Variants in NHEJ1 observed in about 807,000 individuals in gnomAD.
The protein encoded by NHEJ1 is non-homologous end joining factor 1.
NHEJ1 carries 22 observed loss-of-function variants against 39.4 expected under a neutral mutation model. That is an observed-to-expected ratio of 0.56 (90% CI 0.40 to 0.80). The LOEUF (loss-of-function observed/expected upper bound fraction) is 0.80. Ranked by LOEUF, NHEJ1 falls within the 30% of genes least tolerant of loss-of-function variation. The pLI, the probability that NHEJ1 is intolerant of heterozygous loss-of-function variation, is 0.00. For missense variants in NHEJ1, 329 were observed against 357.1 expected (o/e 0.92, Z 0.63); for synonymous variants, 154 against 135.6 (o/e 1.14, Z -0.94).
chr2:219,112,428 C>T (rs1949373915), intron 5 of NHEJ1, among the ~76,000 whole-genome samples: 1 of 152,156 alleles, frequency 6.6e-6, no homozygotes, highest in South Asian at 2.1e-4. Flanking sequence ...ATAATTAATT[C>T]CATTCCAGCT....
intron 1 of NHEJ1, chr2:219,158,760 T>C (rs1949882289): frequency 4.0e-6 from 1 of 248,534 alleles, no homozygotes. Flanking sequence ...TTCCCAGAAC[T>C]AGAAGAGAAG....
At chr2:219,100,713 A>C (rs1949249182) in intron 5 of NHEJ1, among the ~76,000 whole-genome samples, 1 of 152,150 alleles carries the variant, frequency 6.6e-6, no homozygotes. Context: ...AGATTCCCAC[A>C]GGGACCAAGA....
chr2:219,138,688 T>C (rs1348626463), intron 5 of NHEJ1, among the ~76,000 whole-genome samples: 2 of 152,238 alleles, frequency 1.3e-5, no homozygotes, highest in Non-Finnish European at 2.9e-5. Flanking sequence ...GTAAATTTTA[T>C]GGCAATATGT....
chr2:219,091,035 A>G (rs529775881), intron 5 of NHEJ1, among the ~76,000 whole-genome samples: 34 of 152,338 alleles, frequency 2.2e-4, no homozygotes, highest in African/African-American at 7.5e-4. Context: ...TCTAGCAAAT[A>G]TAAGTATCTA....
chr2:219,094,798 C>T (rs988561773), intron 5 of NHEJ1, among the ~76,000 whole-genome samples: 3 of 152,158 alleles, frequency 2.0e-5, no homozygotes, highest in Non-Finnish European at 4.4e-5. Context: ...GCAGCCCTGA[C>T]ACCAGGCTGA....
At chr2:219,114,494 T>C (rs531739379) in intron 5 of NHEJ1, among the ~76,000 whole-genome samples, 3 of 152,260 alleles carry the variant, frequency 2.0e-5, no homozygotes, top group South Asian at 2.1e-4. Flanking sequence ...CACTCCAACA[T>C]TGAAGATGAC....
At chr2:219,146,817 A>C in intron 4 of NHEJ1, 79 bp from the exon 5 acceptor site, 1 of 1,077,552 alleles carries the variant, frequency 9.3e-7, no homozygotes, top group Non-Finnish European at 1.4e-6. Context: ...GGAACAGAAC[A>C]GGGCTACTTA....
intron 5 of NHEJ1, among the ~76,000 whole-genome samples, chr2:219,079,670 T>C (rs959940661): frequency 1.3e-5 from 2 of 152,164 alleles, no homozygotes; most frequent in Admixed American, 6.5e-5. Context: ...CAGCATTCCC[T>C]GAGGAATGAA....
At chr2:219,099,326 T>C (rs912245464) in intron 5 of NHEJ1, among the ~76,000 whole-genome samples, 3 of 152,112 alleles carry the variant, frequency 2.0e-5, no homozygotes, top group Non-Finnish European at 2.9e-5. Context: ...CAGATGCCAG[T>C]AGCACTTCTC....
At chr2:219,128,359 T>TAAG (rs995347377) in intron 5 of NHEJ1, among the ~76,000 whole-genome samples, 2 of 152,190 alleles carry the variant, frequency 1.3e-5, no homozygotes, top group African/African-American at 4.8e-5. Context: ...TTAGGCACAT[T>TAAG]AAGACCATAT....
In NHEJ1 at chr2:219,157,514, G is replaced by C. The variant is rs754822415; in HGVS notation, c.348C>G (p.Pro116=). The C allele has an allele frequency of 4.3e-6, 7 of 1,614,140 alleles. No homozygotes were observed. The highest frequency in any genetic ancestry group is 5.9e-6 in the Non-Finnish European group (7 of 1,180,042). The change falls in exon 3 of 8, where the codon CCC becomes CCG. Residue 116 remains proline, a synonymous_variant. Coordinates refer to ENST00000356853, the MANE Select transcript of NHEJ1 (RefSeq NM_024782.3). ...GCATGCAGTGGAAATTCCAATAGAA[G>C]GGGAGGCCAGAGAGCTCACTTCGCA... ...LRVRSELSGL[P]FYWNFHCMLA...
At chr2:219,159,340 G>A (rs1438794129) in intron 1 of NHEJ1, 2 of 151,420 alleles carry the variant, frequency 1.3e-5, no homozygotes, top group East Asian at 3.9e-4. Flanking sequence ...TCCTGTGGGG[G>A]AGAAAAAAAT....
rs552569904 is a variant in NHEJ1, at chr2:219,149,595, G to A, written c.391-1800C>T. Among the ~76,000 whole-genome samples, 13 of 152,252 alleles carry A rather than the reference G, an allele frequency of 8.5e-5. No homozygotes were observed. In the South Asian group the frequency reaches 2.5e-3, roughly 29 times the overall value. ...CATGCCATTACACTCCAGCCTGGGTGACAGAACAAGATCCTGTCTCAAAAT... is the reference window on the plus strand; with the variant it reads ...CATGCCATTACACTCCAGCCTGGGTAACAGAACAAGATCCTGTCTCAAAAT... On this transcript the variant is annotated intron_variant, in intron 3 of 7. Coordinates refer to ENST00000356853, the MANE Select transcript of NHEJ1 (RefSeq NM_024782.3).
rs139414945 is a variant in NHEJ1, at chr2:219,144,126, G to A, written c.588+2554C>T. On this transcript the variant is annotated intron_variant, in intron 5 of 7. Coordinates refer to ENST00000356853, the MANE Select transcript of NHEJ1 (RefSeq NM_024782.3). The stretch of plus-strand genomic sequence containing the variant: ...TGAGGCACAAGAATCTCTTGAACCC[G>A]GGAGGCAGAGATTACAGTGAGCCGA... Among the ~76,000 whole-genome samples the A allele has an allele frequency of 2.8e-3, 419 of 152,120 alleles. 1 individual carries two copies. The highest frequency in any genetic ancestry group is 9.7e-3 in the African/African-American group (402 of 41,484).
At chr2:219,127,327 A>G (rs1362673008) in intron 5 of NHEJ1, among the ~76,000 whole-genome samples, 1 of 152,120 alleles carries the variant, frequency 6.6e-6, no homozygotes, top group Non-Finnish European at 1.5e-5. Flanking sequence ...TTAAGTGCTT[A>G]GCTTACTTTC....
chr2:219,073,774 G>T lies in NHEJ1; in HGVS notation c.*2607C>A, dbSNP rs991274863. 6.6e-6 allele frequency among the ~76,000 whole-genome samples: 1 copy of T among 152,348 alleles called. No homozygotes were observed. The highest frequency in any genetic ancestry group is 2.4e-5 in the African/African-American group (1 of 41,562). ...GCCCCAGCCCCAGCCCCGGGGAGCG[G>T]GCGGGTAGGCGGGGAGGTGGGCCAC... is the stretch of plus-strand genomic sequence containing the variant. On this transcript the variant is annotated 3_prime_UTR_variant, in exon 8 of 8. Coordinates refer to ENST00000356853, the MANE Select transcript of NHEJ1 (RefSeq NM_024782.3).
intron 5 of NHEJ1, among the ~76,000 whole-genome samples, chr2:219,099,151 G>C (rs1298386258): frequency 2.0e-5 from 3 of 152,134 alleles, no homozygotes; most frequent in Middle Eastern, 3.2e-3. Context: ...TGAGAATATG[G>C]AGAAGTGCAA....
At chr2:219,145,328 T>C (rs1345709255) in intron 5 of NHEJ1, among the ~76,000 whole-genome samples, 1 of 152,238 alleles carries the variant, frequency 6.6e-6, no homozygotes, top group Non-Finnish European at 1.5e-5. Context: ...ATTGCTTCAG[T>C]ACCTGGACTG....
intron 5 of NHEJ1, among the ~76,000 whole-genome samples, chr2:219,083,415 T>C (rs1949083285): frequency 1.3e-5 from 2 of 151,502 alleles, no homozygotes; most frequent in African/African-American, 4.9e-5. Flanking sequence ...CCAAAGTAGG[T>C]TCTCACTCAA....
Sources: gnomAD v4.1 joint callset for allele counts (sites outside exome capture counted in the v4.1 genomes callset) on GRCh38, gnomAD v4.1.1 for gene constraint, MANE v1.5 for transcripts, NCBI Gene and HGNC (gene_info 2026-07-23, HGNC 2026-07-21) for gene names.